Variants in NCAM2 observed in about 807,000 individuals in gnomAD.
The protein encoded by NCAM2 is neural cell adhesion molecule 2, also known as N-CAM-2.
A neutral mutation model predicts 98.1 loss-of-function variants in NCAM2; 30 were observed. The observed-to-expected ratio is 0.31, with a 90% CI of 0.23 to 0.41. The LOEUF is 0.41. Ranked by LOEUF, NCAM2 falls within the 10% of genes least tolerant of loss-of-function variation. The pLI is 1.00. For missense variants in NCAM2, 867 were observed against 1,005.8 expected, an observed-to-expected ratio of 0.86 and a Z score of 1.87; for synonymous variants, 368 against 342.4, an observed-to-expected ratio of 1.07 and a Z score of -0.83.
At chr21:21,535,462 A>C (rs2146431540) in intron 17 of NCAM2, among the ~76,000 whole-genome samples, 1 of 152,176 alleles carries the variant, frequency 6.6e-6, no homozygotes, top group South Asian at 2.1e-4. Flanking sequence ...GAGTAAACTG[A>C]TTTAGGTTTC....
At chr21:21,410,712 TA>T (rs1202575595) in intron 10 of NCAM2, among the ~76,000 whole-genome samples, 2 of 151,416 alleles carry the variant, frequency 1.3e-5, no homozygotes, top group Non-Finnish European at 3.0e-5. Flanking sequence ...CTTTTAGGAA[TA>T]AAAACAATTA....
rs73232062 is a variant in NCAM2, at chr21:21,389,679, G to A, written c.1195+15666G>A. 3.4e-3 allele frequency among the ~76,000 whole-genome samples: 520 copies of A among 152,148 alleles called. 2 individuals carry two copies. The highest frequency in any genetic ancestry group is 5.8e-3 in the Non-Finnish European group (396 of 68,002). ...GCTCCCAAATATAAGTGAGAACATT[G>A]TCTTTTACCGCCTGACTTATTTCAC... On this transcript the variant is annotated intron_variant, in intron 9 of 17. Coordinates refer to ENST00000400546, the MANE Select transcript of NCAM2 (RefSeq NM_004540.5).
At chr21:21,071,790 A>G (rs1163497414) in intron 1 of NCAM2, among the ~76,000 whole-genome samples, 1 of 152,204 alleles carries the variant, frequency 6.6e-6, no homozygotes, top group Non-Finnish European at 1.5e-5. Flanking sequence ...TATCTGCGGA[A>G]AAAAGGGAAA....
At chr21:21,059,883 A>G (rs1696389715) in intron 1 of NCAM2, among the ~76,000 whole-genome samples, 1 of 152,088 alleles carries the variant, frequency 6.6e-6, no homozygotes, top group African/African-American at 2.4e-5. Flanking sequence ...GCAAAATATT[A>G]ATAGTGTCCA....
chr21:21,222,573 TA>T (rs752667895), intron 1 of NCAM2, among the ~76,000 whole-genome samples: 3 of 151,962 alleles, frequency 2.0e-5, no homozygotes, highest in Non-Finnish European at 4.4e-5. Context: ...GTGGTGGAAA[TA>T]AAAAGAGAAC....
intron 1 of NCAM2, among the ~76,000 whole-genome samples, chr21:21,171,329 A>T (rs1252861217): frequency 6.6e-6 from 1 of 152,248 alleles, no homozygotes; most frequent in Non-Finnish European, 1.5e-5. Context: ...TGTAATGAAC[A>T]CTCATGTTTG....
intron 9 of NCAM2, among the ~76,000 whole-genome samples, chr21:21,404,698 TA>T (rs1432041227): frequency 1.3e-5 from 2 of 151,956 alleles, no homozygotes; most frequent in East Asian, 3.9e-4. Context: ...TATATCTATA[TA>T]TACACAATAT....
At chr21:21,420,823 A>G (rs962336820) in intron 11 of NCAM2, among the ~76,000 whole-genome samples, 3 of 151,910 alleles carry the variant, frequency 2.0e-5, no homozygotes, top group Non-Finnish European at 4.4e-5. Flanking sequence ...GAGTTTAGAA[A>G]TGTGAAGAGA....
intron 1 of NCAM2, among the ~76,000 whole-genome samples, chr21:21,190,140 A>G (rs893718407): frequency 1.3e-5 from 2 of 152,212 alleles, no homozygotes; most frequent in Non-Finnish European, 2.9e-5. Context: ...TTTAGACTCT[A>G]TGCAATTGGG....
At chr21:21,026,620 C>T (rs1268213553) in intron 1 of NCAM2, among the ~76,000 whole-genome samples, 5 of 137,260 alleles carry the variant, frequency 3.6e-5, no homozygotes, top group African/African-American at 7.9e-5. Context: ...AGTGAAACTC[C>T]GTCTCAAAAA....
chr21:21,290,083 C>A (rs771693435), intron 4 of NCAM2: 1 of 151,852 alleles, frequency 6.6e-6, no homozygotes, highest in East Asian at 1.9e-4. Flanking sequence ...TGGAATATTC[C>A]TTTGGCAACT....
intron 1 of NCAM2, among the ~76,000 whole-genome samples, chr21:21,181,717 A>G (rs778721642): frequency 3.3e-5 from 5 of 152,012 alleles, no homozygotes; most frequent in Non-Finnish European, 5.9e-5. Flanking sequence ...CTTTTCTGAA[A>G]TGTTTTCTTC....
chr21:21,380,043 A>G (rs758321790), intron 9 of NCAM2, among the ~76,000 whole-genome samples: 7 of 152,116 alleles, frequency 4.6e-5, no homozygotes, highest in Non-Finnish European at 8.8e-5. Flanking sequence ...TATTCTGGCC[A>G]TGTTGGCAGC....
At chr21:21,231,163 C>G (rs890198924) in intron 1 of NCAM2, among the ~76,000 whole-genome samples, 11 of 151,188 alleles carry the variant, frequency 7.3e-5, no homozygotes, top group Non-Finnish European at 1.6e-4. Context: ...CCAAAAGTAC[C>G]TAGTTGCCTA....
At chr21:21,259,919 A>AACACACACAC (rs10618210) in intron 1 of NCAM2, among the ~76,000 whole-genome samples, 28 of 142,090 alleles carry the variant, frequency 2.0e-4, no homozygotes, top group African/African-American at 5.6e-4. Flanking sequence ...AATAAGAAGC[A>AACACACACAC]ACACACACAC....
At chr21:21,492,823 G>A (rs1246183685) in intron 15 of NCAM2, among the ~76,000 whole-genome samples, 1 of 151,690 alleles carries the variant, frequency 6.6e-6, no homozygotes, top group Non-Finnish European at 1.5e-5. Context: ...CAAGATAGAG[G>A]ACTTTATTTT....
chr21:21,237,726 A>G (rs1387061246), intron 1 of NCAM2, among the ~76,000 whole-genome samples: 2 of 151,962 alleles, frequency 1.3e-5, no homozygotes, highest in African/African-American at 4.8e-5. Flanking sequence ...CCATAGCTAT[A>G]TTTCCTAATA....
At chr21:21,314,852 A>G (rs1054858873) in intron 5 of NCAM2, among the ~76,000 whole-genome samples, 1 of 152,094 alleles carries the variant, frequency 6.6e-6, no homozygotes, top group African/African-American at 2.4e-5. Flanking sequence ...GACTTTCTAT[A>G]TTTCCATTTA....
intron 11 of NCAM2, among the ~76,000 whole-genome samples, chr21:21,420,714 T>C (rs1279659747): frequency 6.6e-6 from 1 of 151,872 alleles, no homozygotes; most frequent in African/African-American, 2.4e-5. Flanking sequence ...CCTGCTATTC[T>C]CCAATTCAGG....
Sources: allele counts gnomAD v4.1 joint callset (sites outside exome capture counted in the v4.1 genomes callset), GRCh38; gene constraint gnomAD v4.1.1; transcripts MANE v1.5; gene names NCBI Gene and HGNC (gene_info 2026-07-23, HGNC 2026-07-21).